Variants in PRKCE observed in about 807,000 individuals in gnomAD.
PRKCE encodes protein kinase C epsilon, also known as protein kinase C epsilon type.
In PRKCE, 16 loss-of-function variants were observed where a neutral mutation model predicts 85.4. The observed-to-expected ratio is 0.19, with a 90% CI of 0.13 to 0.28. The LOEUF (loss-of-function observed/expected upper bound fraction) is 0.28, where lower values mean the gene tolerates loss of function less well. Ranked by LOEUF, PRKCE falls within the 10% of genes least tolerant of loss-of-function variation. The probability of loss-of-function intolerance (pLI) is 1.00; values close to 1 mark genes in which losing one functional copy is unlikely to be tolerated. For missense variants in PRKCE, 573 were observed against 975.2 expected (o/e 0.59, Z 5.49); for synonymous variants, 388 against 371.5 (o/e 1.04, Z -0.51).
At chr2:45,880,546 G>C (rs1558787272) in intron 2 of PRKCE, among the ~76,000 whole-genome samples, 1 of 151,928 alleles carries the variant, frequency 6.6e-6, no homozygotes, top group Non-Finnish European at 1.5e-5. Flanking sequence ...TTTTCTGCTT[G>C]GCATTTACCT....
intron 2 of PRKCE, among the ~76,000 whole-genome samples, chr2:45,904,663 G>T (rs1027754745): frequency 6.6e-6 from 1 of 152,104 alleles, no homozygotes; most frequent in African/African-American, 2.4e-5. Context: ...GCTGTGCTCG[G>T]GGATCTCACC....
chr2:45,785,873 A>G (rs763473459), intron 1 of PRKCE, among the ~76,000 whole-genome samples: 4 of 152,136 alleles, frequency 2.6e-5, no homozygotes, highest in African/African-American at 9.7e-5. Context: ...TCTGCCTCAC[A>G]TGCAGCACCG....
intron 2 of PRKCE, among the ~76,000 whole-genome samples, chr2:45,932,798 C>A (rs933867723): frequency 6.6e-6 from 1 of 152,202 alleles, no homozygotes; most frequent in Non-Finnish European, 1.5e-5. Context: ...CTACTCCCCC[C>A]AGCCCCGGGC....
chr2:45,668,056 C>T (rs1334564851), intron 1 of PRKCE, among the ~76,000 whole-genome samples: 2 of 152,142 alleles, frequency 1.3e-5, no homozygotes, highest in Non-Finnish European at 2.9e-5. Flanking sequence ...AAGTTCTTGT[C>T]ACGGCTGGGC....
chr2:46,118,305 T>G (rs1672971903), intron 11 of PRKCE, among the ~76,000 whole-genome samples: 1 of 152,190 alleles, frequency 6.6e-6, no homozygotes. Context: ...TGGGTAGCTG[T>G]GGGACACGGT....
chr2:45,694,198 C>G (rs544633919), intron 1 of PRKCE, among the ~76,000 whole-genome samples: 19 of 150,814 alleles, frequency 1.3e-4, no homozygotes, highest in Middle Eastern at 3.4e-3. Flanking sequence ...TAGGCTTTCT[C>G]TAGCGTCAAG....
chr2:46,009,437 T>A (rs1705475656), intron 9 of PRKCE, among the ~76,000 whole-genome samples: 1 of 152,212 alleles, frequency 6.6e-6, no homozygotes, highest in African/African-American at 2.4e-5. Context: ...CAGTTAATTT[T>A]AAAGTTTCAT....
At chr2:45,860,378 G>GAGTC (rs927228454) in intron 2 of PRKCE, among the ~76,000 whole-genome samples, 2 of 152,218 alleles carry the variant, frequency 1.3e-5, no homozygotes, top group Non-Finnish European at 2.9e-5. Context: ...AGGATGGGTG[G>GAGTC]AGTCAGAGGA....
chr2:46,010,673 T>A (rs1330605752), intron 10 of PRKCE, 156 bp downstream of exon 10: 1 of 1,598,642 alleles, frequency 6.3e-7, no homozygotes, highest in Non-Finnish European at 8.5e-7. Flanking sequence ...GAACAGCATC[T>A]TCTTTTTTAG....
chr2:46,148,427 C>T (rs897849757), intron 12 of PRKCE, among the ~76,000 whole-genome samples: 15 of 152,288 alleles, frequency 9.8e-5, no homozygotes, highest in African/African-American at 3.4e-4. Context: ...GGTGGCAGGG[C>T]GGCTCTGTGG....
chr2:46,007,458 C>G lies in PRKCE; in HGVS notation c.1064-4C>G. ...ATGCAATTTCTTGTTCCCCTTGGCC[C>G]TAGAAATAAAAGAACTTGAGAACAA... On this transcript the variant is annotated splice_region_variant and splice_polypyrimidine_tract_variant and intron_variant, in intron 8 of 14. Coordinates refer to ENST00000306156, the MANE Select transcript of PRKCE (RefSeq NM_005400.3). The G allele has an allele frequency of 6.3e-7, 1 of 1,599,746 alleles. No individual in the cohort carries two copies. Among genetic ancestry groups the G allele is most frequent in the Non-Finnish European group, 8.5e-7 (1 of 1,179,944 alleles).
intron 5 of PRKCE, 104 bp from the exon 6 acceptor site, chr2:45,984,447 A>G (rs1289434803): frequency 2.7e-6 from 4 of 1,504,264 alleles, no homozygotes; most frequent in Non-Finnish European, 3.6e-6. Context: ...GCCACCTACA[A>G]TGACACAAGC....
chr2:46,159,654 A>C lies in PRKCE; in HGVS notation c.1969A>C (p.Asn657His). The change falls in exon 14 of 15, where the codon AAT (asparagine) becomes CAT (histidine). Residue 657 changes from asparagine (N) to histidine (H), a missense_variant. Around this residue, in one of 11 missense-constraint regions of PRKCE, gnomAD observed 72 missense variants for 166.0 expected, o/e 0.43. Transcript: ENST00000306156. The surrounding 1 kb of genome is among the most constrained non-coding windows in gnomAD (Gnocchi z 4.1). Reference sequence around the variant, plus strand: ...GCGCCTGGGCTGTGTGGCATCGCAGAATGGCGAGGACGCCATCAAGCAGCA... The same window carrying C: ...GCGCCTGGGCTGTGTGGCATCGCAGCATGGCGAGGACGCCATCAAGCAGCA... ...HKRLGCVASQ[N>H]GEDAIKQHPF... 6.3e-7 allele frequency: 1 copy of C among 1,599,432 alleles called. No individual in the cohort carries two copies. Among genetic ancestry groups the C allele is most frequent in the Non-Finnish European group, 8.5e-7 (1 of 1,179,838 alleles).
At chr2:45,669,158 T>A (rs1676043291) in intron 1 of PRKCE, among the ~76,000 whole-genome samples, 1 of 152,152 alleles carries the variant, frequency 6.6e-6, no homozygotes, top group African/African-American at 2.4e-5. Flanking sequence ...CTTGGCTCTT[T>A]AAAAATTTTT....
intron 10 of PRKCE, chr2:46,078,743 C>G (rs1668778604): frequency 6.6e-6 from 1 of 152,218 alleles, no homozygotes; most frequent in African/African-American, 2.4e-5. Context: ...GGTTGTGCTT[C>G]TAATTTGCCA....
intron 2 of PRKCE, among the ~76,000 whole-genome samples, chr2:45,933,845 A>G (rs1482620026): frequency 6.6e-6 from 1 of 152,156 alleles, no homozygotes; most frequent in Non-Finnish European, 1.5e-5. Context: ...GCACAATCAT[A>G]AGATTTGGGC....
At chr2:46,126,569 A>C (rs1466814720) in intron 11 of PRKCE, among the ~76,000 whole-genome samples, 1 of 152,230 alleles carries the variant, frequency 6.6e-6, no homozygotes, top group Non-Finnish European at 1.5e-5. Flanking sequence ...TGAACACTTA[A>C]TAGGCATAGC....
chr2:46,114,661 C>T (rs1053386092), intron 11 of PRKCE, among the ~76,000 whole-genome samples: 12 of 151,136 alleles, frequency 7.9e-5, no homozygotes, highest in Non-Finnish European at 1.0e-4. Flanking sequence ...CCTCGTAATC[C>T]GCCCGCCTCA....
Position 45,678,793 on chromosome 2 carries a change from C to T in PRKCE, c.348+26345C>T, listed in dbSNP as rs909328978. Among the ~76,000 whole-genome samples, 3 of 151,914 alleles carry T rather than the reference C, an allele frequency of 2.0e-5. No homozygotes were observed. The East Asian group carries it at 5.8e-4, about 29-fold the overall frequency. On this transcript the variant is annotated intron_variant, in intron 1 of 14. Coordinates refer to ENST00000306156, the MANE Select transcript of PRKCE (RefSeq NM_005400.3). Reference sequence around the variant, plus strand: ...ATTTTAGAAGTCATGGGAAGAGGCACACAACTTTGGGAATTTGTGAAACTT... The same window carrying T: ...ATTTTAGAAGTCATGGGAAGAGGCATACAACTTTGGGAATTTGTGAAACTT...
Sources: allele counts gnomAD v4.1 joint callset (sites outside exome capture counted in the v4.1 genomes callset), GRCh38; gene constraint gnomAD v4.1.1; regional missense constraint gnomAD v4.1.1; non-coding constraint Gnocchi (gnomAD v3.1); transcripts MANE v1.5; gene names NCBI Gene and HGNC (gene_info 2026-07-23, HGNC 2026-07-21).